The following ATRX variants were observed in gnomAD, a reference collection of about 807,000 sequenced individuals.
ATRX encodes ATRX chromatin remodeler.
A neutral mutation model predicts 172.6 loss-of-function variants in ATRX; 12 were observed. The ratio of observed to expected loss-of-function variants is 0.07; its 90% CI spans 0.04 to 0.11. The LOEUF (loss-of-function observed/expected upper bound fraction) is 0.11, where lower values mean the gene tolerates loss of function less well. ATRX is among the 10% of genes least tolerant of loss of function. ATRX has a pLI of 1.00. For synonymous variants in ATRX, 674 were observed against 594.7 expected, an observed-to-expected ratio of 1.13 and a Z score of -1.94; for missense variants, 1,368 against 1,767.4, an observed-to-expected ratio of 0.77 and a Z score of 4.05.
At chrX:77,622,382 G>A (rs1557100557) in intron 19 of ATRX, among the ~76,000 whole-genome samples, 1 of 111,427 alleles carries the variant, frequency 9.0e-6, no homozygotes, top group Non-Finnish European at 1.9e-5. Flanking sequence ...CTGTTTGCTG[G>A]AGAAATTCCT....
rs782044671 is a variant in ATRX at position 77,652,342 on chromosome X, C to G, written c.4329G>C (p.Glu1443Asp). ...CCTCTTCTTTTTCCTCCTCTTCTTC[C>G]TCAGAATTACTCTACAGAATTTAAA... ...DSSSENKSNS[E>D]EEEEEKEEEE... Residue 1443 changes from glutamate (E) to aspartate (D), a missense_variant, in exon 15 of 35, where the codon GAG becomes GAC. By Grantham distance (45) the Glu-to-Asp change is conservative. This residue lies in a region of ATRX where 119 missense variants were observed against 131.3 expected (regional missense o/e 0.91). Coordinates refer to ENST00000373344, the MANE Select transcript of ATRX (RefSeq NM_000489.6). 1 of 1,203,109 alleles carries G rather than the reference C, an allele frequency of 8.3e-7. No homozygotes were observed. Among genetic ancestry groups the G allele is most frequent in the Non-Finnish European group, 1.1e-6 (1 of 890,989 alleles).
chrX:77,508,610 C>T lies in ATRX; in HGVS notation c.7220G>A (p.Arg2407Gln), dbSNP rs1557034949. 4 of 1,210,012 alleles carry T rather than the reference C, an allele frequency of 3.3e-6. No homozygotes were observed. The highest frequency in any genetic ancestry group is 4.4e-5 in the Admixed American group (2 of 45,772). ...KQQMLISCVQRILMNRRLQQQ... is the reference protein window; with the variant it reads ...KQQMLISCVQQILMNRRLQQQ... Reference sequence around the variant, plus strand: ...CTGGAGCCTTCTGTTCATAAGTATTCGCTGAACACAGCTGATTAACTATAG... The same window carrying T: ...CTGGAGCCTTCTGTTCATAAGTATTTGCTGAACACAGCTGATTAACTATAG... The change falls in exon 35 of 35, where the codon CGA (arginine) becomes CAA (glutamine). Residue 2407 changes from arginine to glutamine, a missense_variant. This residue lies in a region of ATRX where 100 missense variants were observed against 153.9 expected (regional missense o/e 0.65). Coordinates refer to ENST00000373344, the MANE Select transcript of ATRX (RefSeq NM_000489.6).
chrX:77,618,739 AG>A, intron 21 of ATRX, 66 bp downstream of exon 21: 1 of 1,055,294 alleles, frequency 9.5e-7, no homozygotes, highest in Non-Finnish European at 1.3e-6. Context: ...CTTTAAGCTC[AG>A]AAAATATGTT....
intron 12 of ATRX, 43 bp from the exon 13 acceptor site, chrX:77,656,696 A>G (rs1557120065): frequency 3.9e-6 from 4 of 1,028,693 alleles, no homozygotes; most frequent in Non-Finnish European, 4.0e-6. Context: ...TTATTTTTCA[A>G]TAGAAACCTA....
At chrX:77,721,925 T>C (rs1557169302) in intron 1 of ATRX, among the ~76,000 whole-genome samples, 2 of 111,591 alleles carry the variant, frequency 1.8e-5, no homozygotes, top group South Asian at 3.7e-4. Flanking sequence ...CTTCAAACTA[T>C]ACTACAAGGC....
chrX:77,631,164 A>G (rs1310784622), intron 19 of ATRX, among the ~76,000 whole-genome samples: 2 of 108,563 alleles, frequency 1.8e-5, no homozygotes, highest in South Asian at 4.1e-4. Flanking sequence ...CCTCACCTTA[A>G]AAAAAGCTCC....
intron 1 of ATRX, among the ~76,000 whole-genome samples, chrX:77,728,855 G>A (rs2074172263): frequency 1.9e-5 from 2 of 104,324 alleles, no homozygotes; most frequent in Admixed American, 2.1e-4. Flanking sequence ...TCCACCTCCC[G>A]GGTTCAAGCA....
intron 2 of ATRX, among the ~76,000 whole-genome samples, chrX:77,710,153 G>A (rs2073039233): frequency 9.1e-6 from 1 of 109,978 alleles, no homozygotes; most frequent in Non-Finnish European, 1.9e-5. Context: ...ACAAAAATTA[G>A]CCGGGTGTGG....
chrX:77,552,336 A>G (rs2064575678), intron 30 of ATRX, among the ~76,000 whole-genome samples: 1 of 108,780 alleles, frequency 9.2e-6, no homozygotes, highest in African/African-American at 3.4e-5. Flanking sequence ...GCTGGAAACC[A>G]TCATTCTCAG....
intron 1 of ATRX, among the ~76,000 whole-genome samples, chrX:77,749,977 T>G (rs782624079): frequency 6.1e-4 from 68 of 110,635 alleles, no homozygotes; most frequent in Non-Finnish European, 1.1e-3. Context: ...CACCAGAAGG[T>G]CAATAGTAGC....
Position 77,653,540 on chromosome X carries a change from G to A in ATRX, c.4317+558C>T, listed in dbSNP as rs782668409. 8.9e-5 allele frequency among the ~76,000 whole-genome samples: 10 copies of A among 111,815 alleles called. No homozygotes were observed. The South Asian group carries it at 3.7e-3, about 41-fold the overall frequency. ...ATAAATGAAAATAGAGGTTACCAGG[G>A]GATGGGGGATAGAAGGAAATGGTGT... On this transcript the variant is annotated intron_variant, in intron 14 of 34. Coordinates refer to ENST00000373344, the MANE Select transcript of ATRX (RefSeq NM_000489.6).
chrX:77,730,608 C>A (rs920570744), intron 1 of ATRX, among the ~76,000 whole-genome samples: 1 of 111,961 alleles, frequency 8.9e-6, no homozygotes, highest in East Asian at 2.8e-4. Context: ...AGTCTTAAGA[C>A]ATTAAAAATA....
Position 77,633,941 on chromosome X carries a change from T to C in ATRX, c.4810-229A>G, listed in dbSNP as rs988195380. 1.6e-5 allele frequency: 6 copies of C among 380,098 alleles called. No homozygotes were observed. In the Admixed American group the frequency reaches 2.7e-4, roughly 17 times the overall value. The allele number at this position is 380,098 out of a possible 1,213,427, so 31.3% of individuals were successfully genotyped here. A position where few individuals can be genotyped will look rare whatever the true frequency, so the allele number is the denominator to read the frequency against. On this transcript the variant is annotated intron_variant, in intron 17 of 34. Coordinates refer to ENST00000373344, the MANE Select transcript of ATRX (RefSeq NM_000489.6). ...ATGATTCTATGATCAATGTGAATAG[T>C]ATAAAATGATCCCATACCAATACTA...
chrX:77,544,608 CT>C (rs1289841342), intron 30 of ATRX, among the ~76,000 whole-genome samples: 3 of 102,226 alleles, frequency 2.9e-5, no homozygotes, highest in Non-Finnish European at 6.0e-5. Context: ...TGATATTCCC[CT>C]TCCTGTGTCC....
chrX:77,755,023 T>C (rs1247321915), intron 1 of ATRX, among the ~76,000 whole-genome samples: 4 of 112,417 alleles, frequency 3.6e-5, no homozygotes, highest in Non-Finnish European at 5.6e-5. Context: ...TTCAGAGGCT[T>C]TGTTTGTTCC....
In ATRX at chrX:77,599,496, G is replaced by C. The variant is rs2148142967; in HGVS notation, c.5871C>G (p.Val1957=). 3.3e-6 allele frequency: 4 copies of C among 1,209,217 alleles called. No individual in the cohort carries two copies. The highest frequency in any genetic ancestry group is 3.4e-6 in the Non-Finnish European group (3 of 894,435). The change falls in exon 25 of 35, where the codon GTC becomes GTG. Residue 1957 remains valine, a synonymous_variant. Transcript: ENST00000373344. The part of the protein sequence containing the change: ...GSDNDVEVIK[V]WNSRSRGGGE... ...CACCTCCCCGAGATCTTGAATTCCA[G>C]ACCTTAATCACTTCAACATCATTGT...
At chrX:77,565,623 A>T (rs1177853086) in intron 28 of ATRX, among the ~76,000 whole-genome samples, 1 of 112,004 alleles carries the variant, frequency 8.9e-6, no homozygotes, top group African/African-American at 3.2e-5. Flanking sequence ...TGGGAGGCAA[A>T]GGCACGCAGA....
intron 30 of ATRX, among the ~76,000 whole-genome samples, chrX:77,549,551 T>C (rs1370804501): frequency 8.9e-6 from 1 of 112,490 alleles, no homozygotes; most frequent in Non-Finnish European, 1.9e-5. Context: ...TAGCTATTAA[T>C]TTAACATTTT....
intron 2 of ATRX, among the ~76,000 whole-genome samples, chrX:77,704,581 T>C (rs1337863612): frequency 8.9e-6 from 1 of 111,877 alleles, no homozygotes; most frequent in African/African-American, 3.2e-5. Context: ...AGGCTGTAGA[T>C]GCAAGGGGGC....
Sources: gnomAD v4.1 joint callset for allele counts (sites outside exome capture counted in the v4.1 genomes callset) on GRCh38, gnomAD v4.1.1 for gene constraint, gnomAD v4.1.1 regional missense constraint, MANE v1.5 for transcripts, NCBI Gene and HGNC (gene_info 2026-07-23, HGNC 2026-07-21) for gene names.